ALMS1: variants seen among roughly 807,000 people sequenced by gnomAD.
ALMS1 encodes the protein ALMS1 centrosome and basal body associated protein, also known as centrosome-associated protein ALMS1.
ALMS1 carries 271 observed loss-of-function variants against 352.2 expected under a neutral mutation model. That is an observed-to-expected ratio of 0.77 (90% confidence interval 0.70 to 0.85). The LOEUF (loss-of-function observed/expected upper bound fraction) is 0.85. ALMS1 is among the 40% of genes least tolerant of loss of function. ALMS1 has a pLI of 0.00. For missense variants in ALMS1, 5,445 were observed against 4,870.7 expected, an observed-to-expected ratio of 1.12 and a Z score of -3.51; for synonymous variants, 1,865 against 1,761.2, an observed-to-expected ratio of 1.06 and a Z score of -1.48.
At chr2:73,460,516 G>A (rs538526947) in intron 9 of ALMS1, among the ~76,000 whole-genome samples, 3 of 152,304 alleles carry the variant, frequency 2.0e-5, no homozygotes, top group South Asian at 2.1e-4. Flanking sequence ...TGTGAGCAAC[G>A]CAGAAGACTG....
chr2:73,450,896 G>C lies in ALMS1; in HGVS notation c.4369G>C (p.Val1457Leu). ...ACCTGAAGAGGCTTTGGAAGTTTCAGTTGCTCCTGGACCAGTTGACCAGAC... is the reference window on the plus strand; with the variant it reads ...ACCTGAAGAGGCTTTGGAAGTTTCACTTGCTCCTGGACCAGTTGACCAGAC... ...HLPEEALEVS[V>L]APGPVDQTIG... The change falls in exon 8 of 23, where the codon GTT (valine) becomes CTT (leucine). Residue 1457 changes from valine (V) to leucine (L), a missense_variant. By Grantham distance (32) the Val-to-Leu change is conservative (BLOSUM62 1). Coordinates refer to ENST00000613296, the MANE Select transcript of ALMS1 (RefSeq NM_001378454.1). The C allele has an allele frequency of 6.2e-7, 1 of 1,613,968 alleles. No homozygotes were observed. The highest frequency in any genetic ancestry group is 8.5e-7 in the Non-Finnish European group (1 of 1,179,946).
intron 1 of ALMS1, among the ~76,000 whole-genome samples, chr2:73,389,220 G>GGC (rs1441077805): frequency 6.6e-6 from 1 of 151,834 alleles, no homozygotes; most frequent in Non-Finnish European, 1.5e-5. Context: ...CATGTTTTTT[G>GGC]GCCGCTCGTA....
intron 9 of ALMS1, among the ~76,000 whole-genome samples, chr2:73,474,040 C>G (rs961473535): frequency 4.0e-5 from 6 of 151,546 alleles, no homozygotes; most frequent in African/African-American, 9.7e-5. Flanking sequence ...TCAAAGAGAC[C>G]CACACCATGT....
chr2:73,447,873 TA>T, intron 7 of ALMS1, 86 bp from the exon 8 acceptor site: 1 of 1,407,188 alleles, frequency 7.1e-7, no homozygotes, highest in Admixed American at 2.8e-5. Context: ...AGAAGCTTTT[TA>T]AAGGCTCAAA....
chr2:73,391,387 G>A (rs1023018987), intron 1 of ALMS1, among the ~76,000 whole-genome samples: 3 of 138,324 alleles, frequency 2.2e-5, no homozygotes, highest in Non-Finnish European at 4.5e-5. Context: ...TCAGCCTCCC[G>A]AGTTCATGCC....
At chr2:73,515,768 TACAC>T (rs71406825) in intron 10 of ALMS1, among the ~76,000 whole-genome samples, 7,728 of 141,538 alleles carry the variant, frequency 0.055, 397 homozygotes, top group African/African-American at 0.12. Flanking sequence ...TCCACAGAAA[TACAC>T]ACACACACAC....
chr2:73,540,258 C>G (rs1482564401), intron 12 of ALMS1, among the ~76,000 whole-genome samples: 1 of 152,148 alleles, frequency 6.6e-6, no homozygotes, highest in Non-Finnish European at 1.5e-5. Context: ...AATTTCATAT[C>G]CAGCCAAACT....
chr2:73,499,107 G>T (rs1258870483), intron 10 of ALMS1, among the ~76,000 whole-genome samples: 1 of 152,102 alleles, frequency 6.6e-6, no homozygotes, highest in African/African-American at 2.4e-5. Flanking sequence ...ACCAGCATTT[G>T]TTATTGCCTG....
At chr2:73,561,080 C>T (rs779279671) in intron 15 of ALMS1, among the ~76,000 whole-genome samples, 9 of 152,334 alleles carry the variant, frequency 5.9e-5, no homozygotes, top group Admixed American at 2.6e-4. Flanking sequence ...CAAATTGTAA[C>T]AGGTTCATAA....
intron 1 of ALMS1, among the ~76,000 whole-genome samples, chr2:73,407,236 T>A (rs1304223465): frequency 6.6e-6 from 1 of 152,122 alleles, no homozygotes; most frequent in African/African-American, 2.4e-5. Context: ...TCCACTCTCA[T>A]GATAAGCCAT....
chr2:73,398,714 T>A, intron 1 of ALMS1, among the ~76,000 whole-genome samples: 1 of 152,244 alleles, frequency 6.6e-6, no homozygotes, highest in East Asian at 1.9e-4. Context: ...AATGGTATTA[T>A]TGTACTTTTA....
Position 73,579,560 on chromosome 2 carries a change from G to A in ALMS1, c.11547+6136G>A, listed in dbSNP as rs556994343. ...ATTTTAGTAGAGACGTGGTTTCACC[G>A]TGTTGGCCAGGCTGGTCTTGAACTC... On this transcript the variant is annotated intron_variant, in intron 16 of 22. Coordinates refer to ENST00000613296, the MANE Select transcript of ALMS1 (RefSeq NM_001378454.1). Among the ~76,000 whole-genome samples, 44 of 149,842 alleles carry A rather than the reference G, an allele frequency of 2.9e-4. 1 individual carries two copies. The highest frequency in any genetic ancestry group is 7.1e-3 in the Middle Eastern group (2 of 280).
At chr2:73,454,727 A>G (rs910587226) in intron 8 of ALMS1, among the ~76,000 whole-genome samples, 1 of 152,232 alleles carries the variant, frequency 6.6e-6, no homozygotes, top group Non-Finnish European at 1.5e-5. Context: ...ATTTAGGCCT[A>G]CCTAGAAATC....
intron 10 of ALMS1, among the ~76,000 whole-genome samples, chr2:73,511,073 G>T (rs1201426901): frequency 2.0e-5 from 3 of 152,178 alleles, no homozygotes; most frequent in Non-Finnish European, 4.4e-5. Context: ...ACTTCAGGCT[G>T]CTCTGCTGGC....
intron 9 of ALMS1, among the ~76,000 whole-genome samples, chr2:73,465,780 A>G (rs1265235651): frequency 6.6e-6 from 1 of 152,220 alleles, no homozygotes; most frequent in Admixed American, 6.5e-5. Context: ...ATGAACTCAA[A>G]CAAATTTACA....
chr2:73,528,092 T>G (rs1027103884), intron 11 of ALMS1, among the ~76,000 whole-genome samples: 3 of 152,194 alleles, frequency 2.0e-5, no homozygotes, highest in Non-Finnish European at 4.4e-5. Flanking sequence ...TAGTTTTATT[T>G]CATTGTGATC....
chr2:73,435,540 C>T (rs1268966018), intron 7 of ALMS1, among the ~76,000 whole-genome samples: 1 of 149,752 alleles, frequency 6.7e-6, no homozygotes, highest in East Asian at 1.9e-4. Flanking sequence ...TCTATTCCCT[C>T]TTTTTTTTTG....
rs762415730 is a variant in ALMS1 at position 73,510,625 on chromosome 2, G to T, written c.9540-9150G>T. Among the ~76,000 whole-genome samples, 23 of 152,184 alleles carry T rather than the reference G, an allele frequency of 1.5e-4. 1 individual carries two copies. The highest frequency in any genetic ancestry group is 6.5e-5 in the Admixed American group (1 of 15,284). ...GGGCACCCGCCAGATGCCAGCCAGG[G>T]CTCTCCTGTGTGAGGTGTCTGTCGA... On this transcript the variant is annotated intron_variant, in intron 10 of 22. Transcript: ENST00000613296.
At chr2:73,392,570 A>G (rs1376220935) in intron 1 of ALMS1, among the ~76,000 whole-genome samples, 3 of 151,976 alleles carry the variant, frequency 2.0e-5, no homozygotes, top group Non-Finnish European at 1.5e-5. Context: ...AGATTTACCT[A>G]TTTTGGGCAT....
Sources: gnomAD v4.1 joint callset for allele counts (sites outside exome capture counted in the v4.1 genomes callset) on GRCh38, gnomAD v4.1.1 for gene constraint, MANE v1.5 for transcripts, NCBI Gene and HGNC (gene_info 2026-07-23, HGNC 2026-07-21) for gene names.